The following DENND1B variants were observed in gnomAD, a reference collection of about 807,000 sequenced individuals.
The protein encoded by DENND1B is DENN domain-containing protein 1B.
Under a neutral mutation model 90.1 loss-of-function variants are expected in DENND1B, and 59 were observed. The observed-to-expected ratio is 0.65, with a 90% CI of 0.53 to 0.81. The LOEUF (loss-of-function observed/expected upper bound fraction) is 0.81. Among genes scored for constraint, DENND1B ranks in the 40% least tolerant of loss-of-function variants. The pLI is 0.00. For missense variants in DENND1B, 862 were observed against 912.6 expected (o/e 0.94, Z 0.71); for synonymous variants, 337 against 324.6 (o/e 1.04, Z -0.41).
chr1:197,769,410 T>C lies in DENND1B; in HGVS notation c.82+3458A>G, dbSNP rs74134872. Among the ~76,000 whole-genome samples, 803 of 152,194 alleles carry C rather than the reference T, an allele frequency of 5.3e-3. 3 individuals carry two copies. The highest frequency in any genetic ancestry group is 0.019 in the African/African-American group (773 of 41,514). On this transcript the variant is annotated intron_variant, in intron 2 of 22. Coordinates refer to ENST00000620048, the MANE Select transcript of DENND1B (RefSeq NM_001195215.2). ...AAAAAAGAAACTTTCTGGCTCTAAA[T>C]AGAGACATGTAAAGCCAGTGTCTGT...
chr1:197,748,371 T>C (rs529925973), intron 2 of DENND1B, among the ~76,000 whole-genome samples: 2 of 152,164 alleles, frequency 1.3e-5, no homozygotes, highest in Admixed American at 6.6e-5. Flanking sequence ...AGTTATGCAG[T>C]AGGCAGAACA....
chr1:197,774,804 G>C (rs1657066134), intron 1 of DENND1B, among the ~76,000 whole-genome samples: 1 of 152,216 alleles, frequency 6.6e-6, no homozygotes. Flanking sequence ...GACACACTCG[G>C]GGGAAGCACG....
chr1:197,579,064 TA>T (rs1268478420), intron 15 of DENND1B, among the ~76,000 whole-genome samples: 25 of 152,338 alleles, frequency 1.6e-4, no homozygotes, highest in East Asian at 5.8e-4. Flanking sequence ...GTGATTCAGA[TA>T]GGTCCACCAA....
intron 12 of DENND1B, among the ~76,000 whole-genome samples, chr1:197,610,587 A>G (rs1485229682): frequency 6.6e-6 from 1 of 150,782 alleles, no homozygotes; most frequent in Non-Finnish European, 1.5e-5. Context: ...CTAATATAAA[A>G]ATCAAATTTG....
intron 10 of DENND1B, among the ~76,000 whole-genome samples, chr1:197,640,430 A>G (rs1680167991): frequency 1.3e-5 from 2 of 151,396 alleles, no homozygotes; most frequent in South Asian, 4.2e-4. Flanking sequence ...CCAAGATTGT[A>G]CCACTGCACT....
intron 3 of DENND1B, among the ~76,000 whole-genome samples, chr1:197,698,901 A>G (rs1252991283): frequency 6.6e-6 from 1 of 152,204 alleles, no homozygotes; most frequent in East Asian, 1.9e-4. Context: ...ACAAGTTCTG[A>G]AATTGAGGCA....
intron 15 of DENND1B, among the ~76,000 whole-genome samples, chr1:197,557,146 C>T (rs769016479): frequency 2.0e-5 from 3 of 151,830 alleles, no homozygotes; most frequent in Non-Finnish European, 2.9e-5. Flanking sequence ...TGGTTTAAAA[C>T]GCATGCAAAA....
At chr1:197,757,914 T>C (rs1270875034) in intron 2 of DENND1B, among the ~76,000 whole-genome samples, 1 of 152,218 alleles carries the variant, frequency 6.6e-6, no homozygotes, top group Admixed American at 6.5e-5. Flanking sequence ...ATCCTTAATT[T>C]TAGCTCATCA....
intron 2 of DENND1B, among the ~76,000 whole-genome samples, chr1:197,736,352 A>C (rs901064359): frequency 2.7e-5 from 4 of 150,146 alleles, no homozygotes; most frequent in South Asian, 2.1e-4. Flanking sequence ...CTGTCTCTCT[A>C]TCTATCTATC....
chr1:197,568,348 C>G lies in DENND1B; in HGVS notation c.1149+14804G>C, dbSNP rs529130325. ...CACTAATAAAAGAAACTGAAAATGACAAAATATATAGAAAAATATTCCATG... is the reference window on the plus strand; with the variant it reads ...CACTAATAAAAGAAACTGAAAATGAGAAAATATATAGAAAAATATTCCATG... On this transcript the variant is annotated intron_variant, in intron 15 of 22. Coordinates refer to ENST00000620048, the MANE Select transcript of DENND1B (RefSeq NM_001195215.2). Among the ~76,000 whole-genome samples, 105 of 152,048 alleles carry G rather than the reference C, an allele frequency of 6.9e-4. 1 individual carries two copies. The highest frequency in any genetic ancestry group is 1.2e-3 in the Non-Finnish European group (79 of 67,948).
intron 2 of DENND1B, chr1:197,734,474 A>G (rs374750640): frequency 7.1e-6 from 7 of 979,672 alleles, no homozygotes; most frequent in African/African-American, 7.0e-5. Flanking sequence ...TGAAAACTAT[A>G]TATGATTACA....
At chr1:197,605,576 G>C (rs1676601759) in intron 13 of DENND1B, 1 of 150,842 alleles carries the variant, frequency 6.6e-6, no homozygotes, top group African/African-American at 2.4e-5. Flanking sequence ...TAAAAGTTGG[G>C]ATTCTATTTT....
intron 7 of DENND1B, among the ~76,000 whole-genome samples, chr1:197,651,963 A>G (rs533082551): frequency 6.6e-6 from 1 of 152,092 alleles, no homozygotes; most frequent in Non-Finnish European, 1.5e-5. Flanking sequence ...AGCCAAATCA[A>G]TGTTTCTTAA....
intron 11 of DENND1B, 32 bp downstream of exon 11, chr1:197,617,627 A>T (rs1558311054): frequency 6.7e-7 from 1 of 1,502,164 alleles, no homozygotes; most frequent in Non-Finnish European, 9.2e-7. Context: ...ATGAAACCTA[A>T]ACTTAAAGGA....
At chr1:197,568,697 A>G (rs1201027896) in intron 15 of DENND1B, among the ~76,000 whole-genome samples, 1 of 152,170 alleles carries the variant, frequency 6.6e-6, no homozygotes, top group Non-Finnish European at 1.5e-5. Context: ...ATAAATCCAT[A>G]CATTTCCCAT....
intron 14 of DENND1B, among the ~76,000 whole-genome samples, chr1:197,590,808 G>A (rs1162432084): frequency 6.6e-6 from 1 of 152,098 alleles, no homozygotes; most frequent in African/African-American, 2.4e-5. Context: ...TGAGCCTTCA[G>A]GATATTCACA....
At chr1:197,599,009 T>A (rs1283525982) in intron 13 of DENND1B, among the ~76,000 whole-genome samples, 1 of 151,802 alleles carries the variant, frequency 6.6e-6, no homozygotes, top group Non-Finnish European at 1.5e-5. Flanking sequence ...TGGGAAGAAT[T>A]ATAACCTGGA....
At chr1:197,580,087 CTTTTTTTTTTTTTTTT>C (rs139056668) in intron 15 of DENND1B, among the ~76,000 whole-genome samples, 1 of 76,744 alleles carries the variant, frequency 1.3e-5, no homozygotes, top group Admixed American at 1.9e-4. Flanking sequence ...TTCTTTCTTT[CTTTTTTTTTTTTTTTT>C]TTTTTTGAGA....
At chr1:197,713,834 ATATAT>A (rs1325634254) in intron 3 of DENND1B, among the ~76,000 whole-genome samples, 42 of 9,794 alleles carry the variant, frequency 4.3e-3, no homozygotes, top group African/African-American at 0.01. Flanking sequence ...ATTATATATA[ATATAT>A]TATATTATAT....
Sources: gnomAD v4.1 joint callset for allele counts (sites outside exome capture counted in the v4.1 genomes callset) on GRCh38, gnomAD v4.1.1 for gene constraint, MANE v1.5 for transcripts, NCBI Gene and HGNC (gene_info 2026-07-23, HGNC 2026-07-21) for gene names.